Variants in CCDC117 observed in about 807,000 individuals in gnomAD.
CCDC117 encodes the protein coiled-coil domain-containing protein 117.
In CCDC117, 1 loss-of-function variant was observed where a neutral mutation model predicts 23.5. The ratio of observed to expected loss-of-function variants is 0.04; its 90% confidence interval spans 0.02 to 0.20. The LOEUF is 0.20. Ranked by LOEUF, CCDC117 falls within the 10% of genes least tolerant of loss-of-function variation. CCDC117 has a pLI of 1.00. For missense variants in CCDC117, 383 were observed against 348.2 expected (o/e 1.10, Z -0.80); for synonymous variants, 132 against 124.8 (o/e 1.06, Z -0.39).
intron 3 of CCDC117, 113 bp downstream of exon 3, chr22:28,781,285 A>C: frequency 1.7e-6 from 1 of 586,768 alleles, no homozygotes; most frequent in South Asian, 2.3e-5. Context: ...GCCTCTCAGA[A>C]AGACTAAGTC....
chr22:28,773,451 C>T (rs2031059863), intron 1 of CCDC117: 1 of 487,254 alleles, frequency 2.1e-6, no homozygotes. Flanking sequence ...GTGCTTAACA[C>T]AGCGCCTGCC....
rs2031506549 is a variant in CCDC117, at chr22:28,786,265, G to A, written c.779G>A (p.Gly260Glu). The A allele has an allele frequency of 2.5e-6, 4 of 1,613,972 alleles. No homozygotes were observed. In the South Asian group the frequency reaches 3.3e-5, roughly 13 times the overall value. The change falls in exon 5 of 5, where the codon GGG (glycine) becomes GAG (glutamate). Residue 260 changes from glycine (G) to glutamate (E), a missense_variant. Physicochemically the swap from Gly to Glu is moderately conservative, Grantham distance 98 (BLOSUM62 -2). Transcript: ENST00000249064. ...CTGTTTTCGGAACCTCGGCCAACAG[G>A]GATGTCTCTTTATAATAGTTTGGAG... Reference protein sequence around the residue: ...TELFSEPRPTGMSLYNSLETA... With the variant: ...TELFSEPRPTEMSLYNSLETA...
At chr22:28,783,393 C>G (rs2031413370) in intron 3 of CCDC117, 115 bp from the exon 4 acceptor site, 1 of 959,930 alleles carries the variant, frequency 1.0e-6, no homozygotes, top group Non-Finnish European at 1.5e-6. Context: ...TGTTCTATTG[C>G]TGTATTACTT....
At chr22:28,782,905 A>G (rs2031394112) in intron 3 of CCDC117, among the ~76,000 whole-genome samples, 1 of 152,024 alleles carries the variant, frequency 6.6e-6, no homozygotes, top group African/African-American at 2.4e-5. Flanking sequence ...AATTCTTCTC[A>G]TAGAACTACT....
At chr22:28,774,511 A>G (rs1243765008) in intron 2 of CCDC117, among the ~76,000 whole-genome samples, 1 of 151,134 alleles carries the variant, frequency 6.6e-6, no homozygotes, top group Non-Finnish European at 1.5e-5. Context: ...AGCTGAGACT[A>G]CAGACTTGTG....
chr22:28,780,911 G>A, intron 2 of CCDC117, 37 bp from the exon 3 acceptor site: 1 of 1,442,558 alleles, frequency 6.9e-7, no homozygotes, highest in South Asian at 1.2e-5. Context: ...ATTTATATTA[G>A]TTGGGATTTT....
At chr22:28,778,040 T>C (rs1210204897) in intron 2 of CCDC117, among the ~76,000 whole-genome samples, 2 of 151,566 alleles carry the variant, frequency 1.3e-5, no homozygotes, top group East Asian at 3.9e-4. Context: ...AAAGGCAGGG[T>C]TTCACCCTGT....
At chr22:28,785,663 G>T (rs2146256498) in intron 4 of CCDC117, among the ~76,000 whole-genome samples, 1 of 152,222 alleles carries the variant, frequency 6.6e-6, no homozygotes, top group South Asian at 2.1e-4. Context: ...TTTCATATTG[G>T]ATTTTTAAAT....
chr22:28,783,202 G>A (rs1011841126), intron 3 of CCDC117, among the ~76,000 whole-genome samples: 1 of 151,868 alleles, frequency 6.6e-6, no homozygotes, highest in Non-Finnish European at 1.5e-5. Context: ...CACCACACCC[G>A]ACAAATTTTT....
rs2031570735 is a variant in CCDC117, at chr22:28,788,072, A to G, written c.*1746A>G. On this transcript the variant is annotated 3_prime_UTR_variant, in exon 5 of 5. Coordinates refer to ENST00000249064, the MANE Select transcript of CCDC117 (RefSeq NM_173510.4). ...GTCAGGAAAAGATTTAATGTTTAAT[A>G]TTTAAACAAAATATTTAATGTCTAT... is the stretch of plus-strand genomic sequence containing the variant. The G allele has an allele frequency of 6.6e-6, 1 of 152,660 alleles. No homozygotes were observed. Among genetic ancestry groups the G allele is most frequent in the African/African-American group, 2.4e-5 (1 of 41,458 alleles). 9.5% of individuals were successfully genotyped at this position (152,660 alleles called of 1,614,324 possible).
chr22:28,781,016 G>T lies in CCDC117; in HGVS notation c.308G>T (p.Cys103Phe). The change falls in exon 3 of 5, where the codon TGT becomes TTT. Residue 103 changes from cysteine (C) to phenylalanine (F), a missense_variant. Physicochemically the swap from Cys to Phe is radical, Grantham distance 205. Transcript: ENST00000249064. The part of the protein sequence containing the change: ...LCAGPNDWIL[C>F]AHQDVEGHGV... ...GCTGGTCCTAATGACTGGATTCTTT[G>T]TGCACATCAGGATGTAGAGGGGCAT... 1 of 1,613,972 alleles carries T rather than the reference G, an allele frequency of 6.2e-7. No homozygotes were observed.
chr22:28,780,100 T>G (rs773574417), intron 2 of CCDC117, among the ~76,000 whole-genome samples: 3 of 152,192 alleles, frequency 2.0e-5, no homozygotes, highest in Non-Finnish European at 2.9e-5. Flanking sequence ...CTCACTACTT[T>G]ACGGTGACAC....
intron 2 of CCDC117, among the ~76,000 whole-genome samples, chr22:28,775,831 A>G (rs1380249102): frequency 2.0e-5 from 3 of 152,284 alleles, no homozygotes; most frequent in Admixed American, 2.0e-4. Context: ...TGGGCGGCAG[A>G]GGTTGCAGTG....
chr22:28,789,299 T>C (rs2031607959), downstream of CCDC117: 1 of 152,218 alleles, frequency 6.6e-6, no homozygotes, highest in Non-Finnish European at 1.5e-5. Flanking sequence ...TTTTGGACTT[T>C]TGAGATATTT....
At chr22:28,782,003 C>T (rs2031354143) in intron 3 of CCDC117, among the ~76,000 whole-genome samples, 1 of 144,566 alleles carries the variant, frequency 6.9e-6, no homozygotes, top group South Asian at 2.3e-4. Context: ...GGTTGGAGTG[C>T]AGTGGCTCAC....
At chr22:28,774,062 T>C (rs2031084513) in intron 2 of CCDC117, among the ~76,000 whole-genome samples, 1 of 133,824 alleles carries the variant, frequency 7.5e-6, no homozygotes, top group Non-Finnish European at 1.6e-5. Flanking sequence ...TTGAAAAGTT[T>C]TGTTTTTGTT....
intron 2 of CCDC117, among the ~76,000 whole-genome samples, chr22:28,774,866 A>G (rs970236403): frequency 6.6e-6 from 1 of 152,090 alleles, no homozygotes; most frequent in African/African-American, 2.4e-5. Flanking sequence ...ATTTGTAGGA[A>G]GATATGGTTC....
chr22:28,773,450 A>G, intron 1 of CCDC117: 1 of 488,636 alleles, frequency 2.0e-6, no homozygotes, highest in East Asian at 3.1e-5. Context: ...AGTGCTTAAC[A>G]CAGCGCCTGC....
intron 2 of CCDC117, among the ~76,000 whole-genome samples, chr22:28,780,033 G>C (rs1443726676): frequency 6.6e-6 from 1 of 152,208 alleles, no homozygotes; most frequent in Non-Finnish European, 1.5e-5. Flanking sequence ...CAGGGAGTTA[G>C]TAAAAATGGC....
Sources: allele counts gnomAD v4.1 joint callset (sites outside exome capture counted in the v4.1 genomes callset), GRCh38; gene constraint gnomAD v4.1.1; transcripts MANE v1.5; gene names NCBI Gene and HGNC (gene_info 2026-07-23, HGNC 2026-07-21).